Variants in SOX5 observed in about 807,000 individuals in gnomAD.
SOX5 encodes SRY-box transcription factor 5.
In SOX5, 9 loss-of-function variants were observed where a neutral mutation model predicts 92.0. The ratio of observed to expected loss-of-function variants is 0.10; its 90% CI spans 0.06 to 0.17. The LOEUF (loss-of-function observed/expected upper bound fraction) is 0.17. Ranked by LOEUF, SOX5 falls within the 10% of genes least tolerant of loss-of-function variation. The pLI is 1.00. For synonymous variants in SOX5, 344 were observed against 336.3 expected (o/e 1.02, Z -0.25); for missense variants, 642 against 944.5 (o/e 0.68, Z 4.20).
intron 1 of SOX5, among the ~76,000 whole-genome samples, chr12:24,510,515 G>C (rs569830117): frequency 6.6e-6 from 1 of 152,266 alleles, no homozygotes; most frequent in South Asian, 2.1e-4. Flanking sequence ...GGCAAGAAGA[G>C]AATAACCAGA....
intron 3 of SOX5, among the ~76,000 whole-genome samples, chr12:23,811,749 G>T (rs2095878937): frequency 6.6e-6 from 1 of 152,064 alleles, no homozygotes; most frequent in African/African-American, 2.4e-5. Context: ...ACTGGATGAA[G>T]TACTTTATGG....
intron 3 of SOX5, among the ~76,000 whole-genome samples, chr12:23,844,503 C>CA (rs1224931216): frequency 6.6e-6 from 1 of 151,978 alleles, no homozygotes; most frequent in East Asian, 1.9e-4. Context: ...TGACTTCATG[C>CA]AAAAAATTAC....
At chr12:24,366,387 C>T (rs1956174297) in intron 2 of SOX5, among the ~76,000 whole-genome samples, 1 of 152,102 alleles carries the variant, frequency 6.6e-6, no homozygotes, top group Non-Finnish European at 1.5e-5. Flanking sequence ...AGGACAAAGA[C>T]ACTTTTGATA....
chr12:23,952,161 G>A (rs1454383669), upstream of SOX5, among the ~76,000 whole-genome samples: 2 of 152,078 alleles, frequency 1.3e-5, no homozygotes, highest in Non-Finnish European at 2.9e-5. Flanking sequence ...TGAAGAAGGA[G>A]GATGGGTGAG....
chr12:24,253,733 G>GA (rs5797071), intron 3 of SOX5, among the ~76,000 whole-genome samples: 4,271 of 152,146 alleles, frequency 0.028, 190 homozygotes, highest in African/African-American at 0.095. Context: ...ATAAAACCTT[G>GA]AAAACCCCAA....
intron 2 of SOX5, among the ~76,000 whole-genome samples, chr12:24,342,375 T>TAC (rs1273921410): frequency 6.6e-6 from 1 of 152,246 alleles, no homozygotes; most frequent in Non-Finnish European, 1.5e-5. Context: ...AGAACTAATA[T>TAC]ACCTTCATTA....
At chr12:24,139,556 C>T (rs1037650975) in intron 4 of SOX5, among the ~76,000 whole-genome samples, 1 of 152,120 alleles carries the variant, frequency 6.6e-6, no homozygotes, top group African/African-American at 2.4e-5. Context: ...GTATTTAGAA[C>T]CTGTTTCTGT....
chr12:23,824,408 G>A (rs764834509), intron 3 of SOX5, among the ~76,000 whole-genome samples: 2 of 152,192 alleles, frequency 1.3e-5, no homozygotes, highest in Non-Finnish European at 2.9e-5. Context: ...TTTGCTGGGG[G>A]TCCACTCCAG....
At chr12:24,518,978 T>C (rs988046071) in intron 1 of SOX5, among the ~76,000 whole-genome samples, 7 of 152,294 alleles carry the variant, frequency 4.6e-5, no homozygotes, top group Admixed American at 4.6e-4. Context: ...TTATGTAGGA[T>C]TGCATGATCA....
At chr12:24,497,819 A>T (rs576027820) in intron 1 of SOX5, among the ~76,000 whole-genome samples, 1 of 152,334 alleles carries the variant, frequency 6.6e-6, no homozygotes, top group Non-Finnish European at 1.5e-5. Context: ...TCAATGGTAG[A>T]CTGGATAAAG....
At chr12:24,274,736 A>AT in intron 3 of SOX5, among the ~76,000 whole-genome samples, 1 of 151,746 alleles carries the variant, frequency 6.6e-6, no homozygotes, top group Non-Finnish European at 1.5e-5. Flanking sequence ...TCAAATTGTG[A>AT]TTTTTCACTC....
intron 6 of SOX5, among the ~76,000 whole-genome samples, chr12:23,719,064 T>C (rs1567202781): frequency 6.6e-6 from 1 of 152,226 alleles, no homozygotes; most frequent in African/African-American, 2.4e-5. Context: ...ATGAATATTG[T>C]TATTTGATAC....
At chr12:23,538,955 C>T (rs369281085) in intron 13 of SOX5, among the ~76,000 whole-genome samples, 1 of 151,666 alleles carries the variant, frequency 6.6e-6, no homozygotes, top group East Asian at 1.9e-4. Context: ...CGCCCGCCAC[C>T]ACGCCCGGCT....
At chr12:24,279,935 C>T (rs1475568245) in intron 2 of SOX5, among the ~76,000 whole-genome samples, 2 of 152,076 alleles carry the variant, frequency 1.3e-5, no homozygotes, top group Non-Finnish European at 2.9e-5. Context: ...CTAGAACATA[C>T]TATATAACAC....
chr12:24,249,717 C>T (rs1254560322), intron 3 of SOX5, among the ~76,000 whole-genome samples: 1 of 152,202 alleles, frequency 6.6e-6, no homozygotes, highest in South Asian at 2.1e-4. Flanking sequence ...ACCATTGCAG[C>T]TGGAAACCAC....
intron 4 of SOX5, among the ~76,000 whole-genome samples, chr12:23,994,740 TA>T (rs1410608045): frequency 6.6e-6 from 1 of 152,164 alleles, no homozygotes; most frequent in East Asian, 1.9e-4. Context: ...CCTGATAGGC[TA>T]ATATATCCAC....
At chr12:23,803,739 C>T (rs1567896231) in intron 3 of SOX5, among the ~76,000 whole-genome samples, 1 of 151,708 alleles carries the variant, frequency 6.6e-6, no homozygotes, top group African/African-American at 2.4e-5. Context: ...TATGTAAGCA[C>T]AAAAAAAATG....
At chr12:23,947,588 T>A (rs1944803003) in intron 1 of SOX5, among the ~76,000 whole-genome samples, 1 of 151,930 alleles carries the variant, frequency 6.6e-6, no homozygotes, top group African/African-American at 2.4e-5. Flanking sequence ...TGTGTGACAT[T>A]TTTCAGAATT....
At chr12:24,376,258 G>T (rs2136310294) in intron 1 of SOX5, among the ~76,000 whole-genome samples, 1 of 152,306 alleles carries the variant, frequency 6.6e-6, no homozygotes, top group South Asian at 2.1e-4. Context: ...AGGTAGCAGT[G>T]TTGCATTGGA....
Sources: gnomAD v4.1 joint callset for allele counts (sites outside exome capture counted in the v4.1 genomes callset) on GRCh38, gnomAD v4.1.1 for gene constraint, MANE v1.5 for transcripts, NCBI Gene and HGNC (gene_info 2026-07-23, HGNC 2026-07-21) for gene names.